SYNRG: variants seen among roughly 807,000 people sequenced by gnomAD.
SYNRG encodes the protein AP1 gamma subunit binding protein 1.
Under a neutral mutation model 130.9 loss-of-function variants are expected in SYNRG, and 37 were observed. The ratio of observed to expected loss-of-function variants is 0.28; its 90% confidence interval spans 0.22 to 0.37. SYNRG has a LOEUF of 0.37. Among genes scored for constraint, SYNRG ranks in the 10% least tolerant of loss-of-function variants. The pLI, the probability that SYNRG is intolerant of heterozygous loss-of-function variation, is 1.00. For synonymous variants in SYNRG, 539 were observed against 568.1 expected, an observed-to-expected ratio of 0.95 and a Z score of 0.73; for missense variants, 1,338 against 1,588.9, an observed-to-expected ratio of 0.84 and a Z score of 2.68.
chr17:37,560,198 A>G (rs906914688), intron 13 of SYNRG, among the ~76,000 whole-genome samples: 3 of 152,212 alleles, frequency 2.0e-5, no homozygotes, highest in Admixed American at 6.5e-5. Flanking sequence ...GGCATGAGCC[A>G]CTGTGCCTGG....
At chr17:37,580,408 T>C (rs2061207369) in intron 6 of SYNRG, among the ~76,000 whole-genome samples, 2 of 151,856 alleles carry the variant, frequency 1.3e-5, no homozygotes, top group South Asian at 4.2e-4. Context: ...CAAGAGATTT[T>C]TCTGCCTCAG....
At chr17:37,594,366 GTTA>G (rs59001963) in intron 3 of SYNRG, among the ~76,000 whole-genome samples, 28,217 of 147,524 alleles carry the variant, frequency 0.19, 2,726 homozygotes, top group Middle Eastern at 0.3. Context: ...TGTATCAATT[GTTA>G]TTAAGATTCA....
intron 6 of SYNRG, among the ~76,000 whole-genome samples, chr17:37,578,607 C>A (rs1027491400): frequency 6.6e-6 from 1 of 152,170 alleles, no homozygotes; most frequent in Non-Finnish European, 1.5e-5. Flanking sequence ...TCAAATGAGA[C>A]AGTCTGGACT....
intron 13 of SYNRG, among the ~76,000 whole-genome samples, chr17:37,555,277 C>T (rs907013544): frequency 6.6e-6 from 1 of 152,142 alleles, no homozygotes; most frequent in African/African-American, 2.4e-5. Context: ...CAGGCACCTG[C>T]CACCACGCCC....
chr17:37,555,622 C>G (rs11871148), intron 13 of SYNRG, among the ~76,000 whole-genome samples: 4 of 152,076 alleles, frequency 2.6e-5, no homozygotes, highest in Non-Finnish European at 5.9e-5. Context: ...ATGCCAAGGC[C>G]GAACACAGTG....
At position 37,518,803 on chromosome 17, in the gene SYNRG, G is replaced by A; in HGVS notation, c.*137C>T. 7.7e-7 allele frequency: 1 copy of A among 1,305,168 alleles called. No homozygotes were observed. Among genetic ancestry groups the A allele is most frequent in the Non-Finnish European group, 1.0e-6 (1 of 969,596 alleles). The allele number at this position is 1,305,168 out of a possible 1,614,324, so 80.8% of individuals were successfully genotyped here. Reference sequence around the variant, plus strand: ...TGCAGACTGGCCGTGGGGATGACGGGGGCCCCGTCCCTTGCGGTGTTCTTC... The same window carrying A: ...TGCAGACTGGCCGTGGGGATGACGGAGGCCCCGTCCCTTGCGGTGTTCTTC... On this transcript the variant is annotated 3_prime_UTR_variant, in exon 22 of 22. Transcript: ENST00000612223.
chr17:37,563,542 T>A (rs1306792168), intron 11 of SYNRG, among the ~76,000 whole-genome samples: 1 of 152,178 alleles, frequency 6.6e-6, no homozygotes, highest in Non-Finnish European at 1.5e-5. Context: ...TTATTTATTT[T>A]TTTGAGACAG....
chr17:37,594,337 AAATT>A lies in SYNRG; in HGVS notation c.240+1882_240+1885del, dbSNP rs1310025031. 7.5e-5 allele frequency among the ~76,000 whole-genome samples: 11 copies of A among 147,324 alleles called. No homozygotes were observed. In the South Asian group the frequency reaches 2.1e-3, roughly 28 times the overall value. ...TAATTAATATTTAATATTAAAATAA[AAATT>A]AATGATTTAAAATTTGTATCAATTG... On this transcript the variant is annotated intron_variant, in intron 3 of 21. Coordinates refer to ENST00000612223, the MANE Select transcript of SYNRG (RefSeq NM_007247.6).
intron 15 of SYNRG, 126 bp from the exon 16 acceptor site, chr17:37,540,669 C>G (rs1476610408): frequency 2.8e-6 from 3 of 1,057,234 alleles, no homozygotes; most frequent in Non-Finnish European, 1.3e-6. Flanking sequence ...GATTCTTGCT[C>G]TGTCGCTCAG....
intron 10 of SYNRG, among the ~76,000 whole-genome samples, chr17:37,569,257 A>T (rs1044393277): frequency 3.3e-5 from 5 of 152,234 alleles, no homozygotes; most frequent in Admixed American, 6.5e-5. Flanking sequence ...TAAAAATACA[A>T]AAATTAGCTG....
chr17:37,586,249 C>T (rs2146504890), intron 4 of SYNRG, among the ~76,000 whole-genome samples, 170 bp downstream of exon 4: 1 of 152,340 alleles, frequency 6.6e-6, no homozygotes, highest in South Asian at 2.1e-4. Context: ...CCACCCCAGC[C>T]TTCCAAAGTG....
chr17:37,605,715 G>C (rs190827392), intron 1 of SYNRG: 23 of 670,782 alleles, frequency 3.4e-5, no homozygotes, highest in African/African-American at 3.9e-5. Flanking sequence ...GTAAAAGCTT[G>C]GCAAAAAACT....
intron 8 of SYNRG, among the ~76,000 whole-genome samples, chr17:37,573,378 G>A (rs2060581172): frequency 6.6e-6 from 1 of 152,136 alleles, no homozygotes; most frequent in African/African-American, 2.4e-5. Flanking sequence ...ACTCCAGCCT[G>A]GGTGACAGAC....
At chr17:37,563,612 C>T (rs149326655) in intron 11 of SYNRG, among the ~76,000 whole-genome samples, 35 of 152,192 alleles carry the variant, frequency 2.3e-4, no homozygotes, top group African/African-American at 3.6e-4. Flanking sequence ...ACTGCAGTTT[C>T]GACCTCCTAG....
intron 8 of SYNRG, among the ~76,000 whole-genome samples, chr17:37,574,740 A>T (rs1326375198): frequency 6.6e-6 from 1 of 152,140 alleles, no homozygotes; most frequent in Non-Finnish European, 1.5e-5. Flanking sequence ...TTTATCCAAA[A>T]GACAGGCAAT....
chr17:37,554,560 T>C (rs1032820767), intron 13 of SYNRG, among the ~76,000 whole-genome samples: 1 of 152,242 alleles, frequency 6.6e-6, no homozygotes, highest in African/African-American at 2.4e-5. Flanking sequence ...AACACTTGGT[T>C]TAGCCAGGCA....
rs765843904 is a variant in SYNRG, at chr17:37,535,962, T to C, written c.3666+17A>G. ...TCTGGAAAGGAAAGCAACTGCTGAG[T>C]TGTCTCATGGGCTTACTGTGAGTGT... On this transcript the variant is annotated intron_variant, in intron 19 of 21. Coordinates refer to ENST00000612223, the MANE Select transcript of SYNRG (RefSeq NM_007247.6). 20 of 1,613,092 alleles carry C rather than the reference T, an allele frequency of 1.2e-5. No homozygotes were observed. The highest frequency in any genetic ancestry group is 1.4e-5 in the Non-Finnish European group (17 of 1,179,980).
intron 3 of SYNRG, among the ~76,000 whole-genome samples, chr17:37,590,939 C>G (rs889824843): frequency 2.6e-5 from 4 of 151,944 alleles, no homozygotes; most frequent in African/African-American, 9.7e-5. Context: ...ACTATAAACA[C>G]CGAATTCATG....
intron 8 of SYNRG, among the ~76,000 whole-genome samples, chr17:37,573,745 G>A: frequency 6.6e-6 from 1 of 151,750 alleles, no homozygotes; most frequent in East Asian, 1.9e-4. Flanking sequence ...AATTGAAGGG[G>A]ACATAAAAAA....
Sources: gnomAD v4.1 joint callset for allele counts (sites outside exome capture counted in the v4.1 genomes callset) on GRCh38, gnomAD v4.1.1 for gene constraint, MANE v1.5 for transcripts, NCBI Gene and HGNC (gene_info 2026-07-23, HGNC 2026-07-21) for gene names.